C8orf34: variants seen among roughly 807,000 people sequenced by gnomAD.
The protein encoded by C8orf34 is chromosome 8 open reading frame 34.
A neutral mutation model predicts 68.3 loss-of-function variants in C8orf34; 65 were observed. The observed-to-expected ratio is 0.95, with a 90% CI of 0.78 to 1.17. The LOEUF (loss-of-function observed/expected upper bound fraction) is 1.17, where lower values mean the gene tolerates loss of function less well. Ranked by LOEUF, C8orf34 falls within the 50% of genes most tolerant of loss-of-function variation. The pLI, the probability that C8orf34 is intolerant of heterozygous loss-of-function variation, is 0.00. For missense variants in C8orf34, 664 were observed against 655.4 expected (o/e 1.01, Z -0.14); for synonymous variants, 244 against 241.2 (o/e 1.01, Z -0.11).
At chr8:68,460,325 G>A (rs1169258797) in intron 3 of C8orf34, among the ~76,000 whole-genome samples, 2 of 152,232 alleles carry the variant, frequency 1.3e-5, no homozygotes, top group Admixed American at 6.5e-5. Flanking sequence ...AGCTCAAGGA[G>A]GCCTGCCTGC....
chr8:68,617,299 G>T (rs372606242), intron 7 of C8orf34, among the ~76,000 whole-genome samples: 7 of 152,108 alleles, frequency 4.6e-5, no homozygotes, highest in Non-Finnish European at 8.8e-5. Flanking sequence ...AAAGTTAATA[G>T]TGTTATGTGT....
At chr8:68,421,419 A>G (rs1390766677) in intron 1 of C8orf34, among the ~76,000 whole-genome samples, 3 of 152,208 alleles carry the variant, frequency 2.0e-5, no homozygotes, top group Non-Finnish European at 4.4e-5. Context: ...ATGAAACAAG[A>G]GCAAAAGCTT....
At chr8:68,443,394 TTTTC>T (rs1328802195) in intron 2 of C8orf34, among the ~76,000 whole-genome samples, 1 of 152,048 alleles carries the variant, frequency 6.6e-6, no homozygotes, top group Non-Finnish European at 1.5e-5. Context: ...TTGGTGAATC[TTTTC>T]TTTGTTTTTG....
chr8:68,407,881 T>A (rs1809266850), intron 1 of C8orf34, among the ~76,000 whole-genome samples: 1 of 152,194 alleles, frequency 6.6e-6, no homozygotes, highest in African/African-American at 2.4e-5. Flanking sequence ...GATTACTTAT[T>A]TTCCTAAGAT....
chr8:68,592,050 A>G (rs1817405188), intron 7 of C8orf34, among the ~76,000 whole-genome samples: 1 of 152,180 alleles, frequency 6.6e-6, no homozygotes, highest in South Asian at 2.1e-4. Context: ...AAAAATTTAT[A>G]AACTTACAAG....
intron 5 of C8orf34, among the ~76,000 whole-genome samples, chr8:68,497,906 G>A (rs766170046): frequency 6.6e-6 from 1 of 152,052 alleles, no homozygotes; most frequent in Non-Finnish European, 1.5e-5. Flanking sequence ...TTGGATCACC[G>A]CAACCTCCGC....
intron 1 of C8orf34, among the ~76,000 whole-genome samples, chr8:68,420,311 A>T (rs1313774270): frequency 6.6e-6 from 1 of 152,166 alleles, no homozygotes; most frequent in Non-Finnish European, 1.5e-5. Context: ...ATAAAGATAC[A>T]GTACATTAAT....
intron 8 of C8orf34, among the ~76,000 whole-genome samples, chr8:68,689,003 A>G (rs995761599): frequency 2.6e-5 from 4 of 152,050 alleles, no homozygotes; most frequent in Non-Finnish European, 5.9e-5. Context: ...ACAAAACAAA[A>G]CAAAACAAAC....
intron 12 of C8orf34, among the ~76,000 whole-genome samples, chr8:68,803,068 T>C (rs906603521): frequency 2.6e-5 from 4 of 152,064 alleles, no homozygotes; most frequent in African/African-American, 9.7e-5. Flanking sequence ...CTGAATTCTT[T>C]TAAACTTTTA....
At chr8:68,622,747 A>G (rs1818424443) in intron 7 of C8orf34, among the ~76,000 whole-genome samples, 2 of 152,222 alleles carry the variant, frequency 1.3e-5, no homozygotes, top group Admixed American at 1.3e-4. Flanking sequence ...AGTTGAGAGA[A>G]CAAAAAAATA....
At chr8:68,419,014 C>G (rs1198916462) in intron 1 of C8orf34, among the ~76,000 whole-genome samples, 8 of 149,022 alleles carry the variant, frequency 5.4e-5, no homozygotes, top group South Asian at 2.1e-4. Context: ...TTCTGCACAG[C>G]AAAAGAAACT....
intron 8 of C8orf34, among the ~76,000 whole-genome samples, chr8:68,650,062 A>AAG: frequency 1.3e-5 from 2 of 151,942 alleles, no homozygotes; most frequent in South Asian, 4.2e-4. Flanking sequence ...TTTTAGAAAA[A>AAG]AAAAAGAAAT....
chr8:68,628,198 A>T (rs949482117), intron 7 of C8orf34, among the ~76,000 whole-genome samples: 3 of 152,182 alleles, frequency 2.0e-5, no homozygotes, highest in Admixed American at 2.0e-4. Context: ...GGTTAACCTA[A>T]AAAGTTAAAA....
At chr8:68,376,885 A>G (rs1807825743) in intron 1 of C8orf34, among the ~76,000 whole-genome samples, 1 of 152,088 alleles carries the variant, frequency 6.6e-6, no homozygotes, top group African/African-American at 2.4e-5. Context: ...AGAAAATATC[A>G]ACAGAAGGGC....
At chr8:68,381,206 G>A (rs1020604410) in intron 1 of C8orf34, among the ~76,000 whole-genome samples, 3 of 152,244 alleles carry the variant, frequency 2.0e-5, no homozygotes, top group South Asian at 4.1e-4. Flanking sequence ...TCTTTAAAAA[G>A]GGAAACCAGT....
chr8:68,708,909 C>T (rs765713615), intron 8 of C8orf34, 85 bp from the exon 9 acceptor site: 110 of 938,524 alleles, frequency 1.2e-4, no homozygotes, highest in Non-Finnish European at 1.8e-4. Context: ...TCTAGAAGTT[C>T]ACAGCCATGT....
At chr8:68,775,138 GACTTAGGGC>G (rs1365970026) in intron 10 of C8orf34, among the ~76,000 whole-genome samples, 4 of 150,634 alleles carry the variant, frequency 2.7e-5, no homozygotes, top group Admixed American at 1.3e-4. Context: ...CTTGCTCCTT[GACTTAGGGC>G]ACTTCACTCT....
rs939002596 is a variant in C8orf34, at chr8:68,457,384, T to C, written c.607+10924T>C. On this transcript the variant is annotated intron_variant, in intron 3 of 13. Coordinates refer to ENST00000518698, the MANE Select transcript of C8orf34 (RefSeq NM_052958.4). ...AGTTTTCAGTATATTATAACTGTAG[T>C]ACTGGGGATATTTCCTGGCATATTT... Among the ~76,000 whole-genome samples the C allele has an allele frequency of 3.3e-5, 5 of 152,174 alleles. No homozygotes were observed. The East Asian group carries it at 9.6e-4, about 29-fold the overall frequency.
intron 1 of C8orf34, among the ~76,000 whole-genome samples, chr8:68,335,683 G>A (rs1805818297): frequency 6.6e-6 from 1 of 152,118 alleles, no homozygotes; most frequent in Admixed American, 6.6e-5. Context: ...CTTTTAAATA[G>A]CTTAATAAAG....
Sources: allele counts gnomAD v4.1 joint callset (sites outside exome capture counted in the v4.1 genomes callset), GRCh38; gene constraint gnomAD v4.1.1; transcripts MANE v1.5; gene names NCBI Gene and HGNC (gene_info 2026-07-23, HGNC 2026-07-21).